Variants in PDE4D observed in about 807,000 individuals in gnomAD.
The protein encoded by PDE4D is phosphodiesterase 4D.
Under a neutral mutation model 87.4 loss-of-function variants are expected in PDE4D, and 24 were observed. That is an observed-to-expected ratio of 0.27 (90% CI 0.20 to 0.39). The LOEUF (loss-of-function observed/expected upper bound fraction) is 0.39. Ranked by LOEUF, PDE4D falls within the 10% of genes least tolerant of loss-of-function variation. PDE4D has a pLI of 1.00. For synonymous variants in PDE4D, 384 were observed against 383.2 expected, an observed-to-expected ratio of 1.00 and a Z score of -0.02; for missense variants, 714 against 1,041.0, an observed-to-expected ratio of 0.69 and a Z score of 4.32.
chr5:60,269,956 C>T (rs999951269), intron 1 of PDE4D, among the ~76,000 whole-genome samples: 20 of 152,228 alleles, frequency 1.3e-4, no homozygotes, highest in African/African-American at 4.6e-4. Flanking sequence ...AGACTAAAGG[C>T]AAACGGTTTT....
At chr5:59,990,727 C>T (rs987469748) in intron 2 of PDE4D, among the ~76,000 whole-genome samples, 1 of 152,154 alleles carries the variant, frequency 6.6e-6, no homozygotes, top group Non-Finnish European at 1.5e-5. Context: ...TTACTAAAAT[C>T]CTATGAGTTA....
chr5:59,251,937 T>C (rs971795216), intron 1 of PDE4D, among the ~76,000 whole-genome samples: 8 of 152,250 alleles, frequency 5.3e-5, no homozygotes, highest in Non-Finnish European at 1.0e-4. Flanking sequence ...AACCAAATAC[T>C]GCATGTTCTC....
Position 58,974,877 on chromosome 5 carries a change from A to C in PDE4D, c.2217T>G (p.Thr739=). 1 of 1,612,454 alleles carries C rather than the reference A, an allele frequency of 6.2e-7. No individual in the cohort carries two copies. Among genetic ancestry groups the C allele is most frequent in the Non-Finnish European group, 8.5e-7 (1 of 1,178,908 alleles). ...TGTCTGACTCACCATCTTCCTCTAA[A>C]GTTAGTTCAAACTGGAATTTCTCAG... is the stretch of plus-strand genomic sequence containing the variant. ...GQTEKFQFEL[T]LEEDGESDTE... Residue 739 remains threonine (T), a synonymous_variant, in exon 15 of 15, where the codon ACT becomes ACG. Transcript: ENST00000340635.
intron 5 of PDE4D, among the ~76,000 whole-genome samples, chr5:59,165,674 G>A (rs1781823231): frequency 6.6e-6 from 1 of 152,188 alleles, no homozygotes; most frequent in Admixed American, 6.5e-5. Context: ...GGCTCTGGAA[G>A]GTTAAATGAA....
At chr5:60,011,291 A>G (rs10066957) in intron 2 of PDE4D, among the ~76,000 whole-genome samples, 71,074 of 151,870 alleles carry the variant, frequency 0.47, 16,991 homozygotes, top group East Asian at 0.79. Context: ...TCAAAGACCT[A>G]TGCATAGATT....
rs71606616 is a variant in PDE4D at position 59,979,421 on chromosome 5, G to GGGGTGTGTGTGTGTGT, written c.272+9066_272+9067insACACACACACACACCC. Among the ~76,000 whole-genome samples the GGGGTGTGTGTGTGTGT allele has an allele frequency of 3.9e-3, 578 of 147,716 alleles. 5 individuals are homozygous for GGGGTGTGTGTGTGTGT. The highest frequency in any genetic ancestry group is 0.013 in the African/African-American group (544 of 40,446). On this transcript the variant is annotated intron_variant, in intron 3 of 16. Transcript: ENST00000502484. ...TATATCTAGCTTTCACACAGCAAGG[G>GGGGTGTGTGTGTGTGT]GTGTGTGTGTGTGTGTGTGTGTTTA... is the stretch of plus-strand genomic sequence containing the variant.
chr5:59,086,823 T>C (rs1227176813), intron 5 of PDE4D, among the ~76,000 whole-genome samples: 4 of 152,158 alleles, frequency 2.6e-5, no homozygotes, highest in African/African-American at 7.2e-5. Context: ...TATTTTACTC[T>C]ATAAATAACT....
At chr5:59,893,069 G>C (rs554003425) in intron 1 of PDE4D, 99 bp downstream of exon 1, 2 of 1,209,802 alleles carry the variant, frequency 1.7e-6, no homozygotes, top group Non-Finnish European at 2.3e-6. Flanking sequence ...TTTTACCCTG[G>C]GTCTAGAATT....
intron 1 of PDE4D, among the ~76,000 whole-genome samples, chr5:60,404,332 G>C (rs1477489283): frequency 7.9e-6 from 1 of 127,376 alleles, no homozygotes; most frequent in African/African-American, 3.9e-5. Flanking sequence ...TATTATTTTG[G>C]TTGGAACAAT....
intron 1 of PDE4D, among the ~76,000 whole-genome samples, chr5:59,536,119 C>T (rs1021978489): frequency 6.6e-5 from 10 of 151,988 alleles, no homozygotes; most frequent in African/African-American, 2.4e-4. Context: ...ATATCTAAAA[C>T]AAAGAATAAA....
intron 1 of PDE4D, among the ~76,000 whole-genome samples, chr5:59,661,074 T>TTAAATATTATATATATATATATATATA (rs1745175582): frequency 2.1e-5 from 3 of 140,078 alleles, no homozygotes; most frequent in African/African-American, 8.1e-5. Flanking sequence ...CATGATAATA[T>TTAAATATTATATATATATATATATATA]TATATATATA....
intron 1 of PDE4D, among the ~76,000 whole-genome samples, chr5:59,524,470 A>G (rs1333149466): frequency 6.6e-6 from 1 of 152,146 alleles, no homozygotes; most frequent in Non-Finnish European, 1.5e-5. Flanking sequence ...GATGATTTAG[A>G]GTATCTGGTG....
At chr5:60,172,147 C>T (rs1383117275) in intron 2 of PDE4D, among the ~76,000 whole-genome samples, 1 of 145,854 alleles carries the variant, frequency 6.9e-6, no homozygotes, top group Non-Finnish European at 1.5e-5. Context: ...TATATATATA[C>T]ACACACATGT....
At chr5:59,372,306 A>G (rs149323735) in intron 1 of PDE4D, among the ~76,000 whole-genome samples, 2,132 of 152,342 alleles carry the variant, frequency 0.014, 27 homozygotes, top group Non-Finnish European at 0.019. Flanking sequence ...AAACTTTACA[A>G]GCAATTGTAA....
At chr5:60,304,576 C>T (rs1415371530) in intron 1 of PDE4D, among the ~76,000 whole-genome samples, 4 of 141,684 alleles carry the variant, frequency 2.8e-5, no homozygotes, top group African/African-American at 8.0e-5. Context: ...ACCCGGGAAG[C>T]GGAGCTTGCA....
Position 59,893,285 on chromosome 5 carries a change from T to C in PDE4D, c.338A>G (p.Glu113Gly). ...CATGGCGCGACAGTACAGGTAGCGC[T>C]CGGTGTCCGAGTAGCCGCGATGCCG... ...RVRHRGYSDT[E>G]RYLYCRAMDR... The change falls in exon 1 of 15, where the codon GAG becomes GGG. Residue 113 changes from glutamate to glycine, a missense_variant. Physicochemically the swap from Glu to Gly is moderately conservative, Grantham distance 98. Around this residue, in one of 7 missense-constraint regions of PDE4D, gnomAD observed 268 missense variants for 272.9 expected, o/e 0.98. Transcript: ENST00000340635. 1 of 1,546,278 alleles carries C rather than the reference T, an allele frequency of 6.5e-7. No individual in the cohort carries two copies. Among genetic ancestry groups the C allele is most frequent in the Non-Finnish European group, 8.7e-7 (1 of 1,144,934 alleles).
chr5:60,390,734 A>G (rs574691825), intron 1 of PDE4D, among the ~76,000 whole-genome samples: 1 of 152,148 alleles, frequency 6.6e-6, no homozygotes, highest in South Asian at 2.1e-4. Flanking sequence ...TATTAAAAAA[A>G]TCAACCTGGC....
chr5:59,816,337 T>A (rs1384637406), intron 1 of PDE4D, among the ~76,000 whole-genome samples: 2 of 152,224 alleles, frequency 1.3e-5, no homozygotes, highest in Non-Finnish European at 2.9e-5. Context: ...TCCCTCGTTT[T>A]TTTCTCATCT....
intron 1 of PDE4D, among the ~76,000 whole-genome samples, chr5:59,496,117 G>A (rs1008641569): frequency 6.6e-6 from 1 of 152,106 alleles, no homozygotes; most frequent in Non-Finnish European, 1.5e-5. Flanking sequence ...CCAGAAGGGA[G>A]ATGGTTTCCC....
Sources: gnomAD v4.1 joint callset for allele counts (sites outside exome capture counted in the v4.1 genomes callset) on GRCh38, gnomAD v4.1.1 for gene constraint, gnomAD v4.1.1 regional missense constraint, MANE v1.5 for transcripts, NCBI Gene and HGNC (gene_info 2026-07-23, HGNC 2026-07-21) for gene names.